Variants in TMEM170B observed in about 807,000 individuals in gnomAD.
The protein encoded by TMEM170B is transmembrane protein 170B.
In TMEM170B, 6 loss-of-function variants were observed where a neutral mutation model predicts 13.0. That is an observed-to-expected ratio of 0.46 (90% CI 0.25 to 0.91). The LOEUF is 0.91. TMEM170B is among the 40% of genes least tolerant of loss of function. The probability of loss-of-function intolerance (pLI) is 0.17; values close to 1 mark genes in which losing one functional copy is unlikely to be tolerated. For missense variants in TMEM170B, 138 were observed against 165.2 expected (o/e 0.84, Z 0.90); for synonymous variants, 61 against 64.9 (o/e 0.94, Z 0.29).
In TMEM170B at chr6:11,558,260, G is replaced by A. The variant is rs138885073; in HGVS notation, c.98-7406G>A. On this transcript the variant is annotated intron_variant, in intron 1 of 2. Coordinates refer to ENST00000379426, the MANE Select transcript of TMEM170B (RefSeq NM_001100829.3). The stretch of plus-strand genomic sequence containing the variant: ...ATTCTTCATTCTATATGGTCTATGA[G>A]CCTCTCCCCTTTCTTCACCAAAAAT... Among the ~76,000 whole-genome samples the A allele has an allele frequency of 1.5e-3, 223 of 152,100 alleles. 2 individuals carry two copies. Among genetic ancestry groups the A allele is most frequent in the African/African-American group, 5.3e-3 (219 of 41,468 alleles).
Position 11,580,453 on chromosome 6 carries a change from A to G in TMEM170B, c.*4892A>G, listed in dbSNP as rs1759940636. 3 of 152,214 alleles carry G rather than the reference A, an allele frequency of 2.0e-5. No homozygotes were observed. Among genetic ancestry groups the G allele is most frequent in the Non-Finnish European group, 2.9e-5 (2 of 68,036 alleles). 9.4% of individuals were successfully genotyped at this position (152,214 alleles called of 1,614,324 possible). A position where few individuals can be genotyped will look rare whatever the true frequency, so the allele number is the denominator to read the frequency against. On this transcript the variant is annotated 3_prime_UTR_variant, in exon 3 of 3. Coordinates refer to ENST00000379426, the MANE Select transcript of TMEM170B (RefSeq NM_001100829.3). Reference sequence around the variant, plus strand: ...ACTACAGATTTTTCTCTCAGTCTCAATCAGAATCTCTGCAGTCATTATTTG... The same window carrying G: ...ACTACAGATTTTTCTCTCAGTCTCAGTCAGAATCTCTGCAGTCATTATTTG...
intron 2 of TMEM170B, among the ~76,000 whole-genome samples, chr6:11,571,114 TTC>T (rs1759794880): frequency 6.6e-6 from 1 of 152,150 alleles, no homozygotes; most frequent in African/African-American, 2.4e-5. Context: ...CTATTTTTTT[TTC>T]TGTTTTTCCA....
intron 1 of TMEM170B, among the ~76,000 whole-genome samples, chr6:11,547,056 TAACTGTAATTGCAGAAAGTGA>T (rs1248420562): frequency 6.6e-6 from 1 of 152,240 alleles, no homozygotes; most frequent in Non-Finnish European, 1.5e-5. Context: ...CGATAGTGGG[TAACTGTAATTGCAGAAAGTGA>T]AACTGCAGAT....
At chr6:11,557,622 T>C (rs1561909906) in intron 1 of TMEM170B, among the ~76,000 whole-genome samples, 1 of 152,246 alleles carries the variant, frequency 6.6e-6, no homozygotes, top group Non-Finnish European at 1.5e-5. Context: ...TTCCTACTTT[T>C]AGTTTCTTTA....
chr6:11,538,468 C>T (rs936449661), intron 1 of TMEM170B, 94 bp downstream of exon 1: 14 of 935,900 alleles, frequency 1.5e-5, no homozygotes, highest in Admixed American at 3.4e-5. Flanking sequence ...CGCCGCCCCA[C>T]CCCCGTGCGC....
intron 1 of TMEM170B, among the ~76,000 whole-genome samples, chr6:11,558,273 C>T (rs1759616110): frequency 1.3e-5 from 2 of 152,190 alleles, no homozygotes; most frequent in Admixed American, 1.3e-4. Context: ...TCTCCCCTTT[C>T]TTCACCAAAA....
chr6:11,563,537 C>T (rs558176331), intron 1 of TMEM170B, among the ~76,000 whole-genome samples: 29 of 152,320 alleles, frequency 1.9e-4, no homozygotes, highest in South Asian at 1.7e-3. Flanking sequence ...AGAAAGTCTG[C>T]GCTTCCCATA....
In TMEM170B at chr6:11,576,480, A is replaced by T. The variant is rs867690093; in HGVS notation, c.*919A>T. ...TATCTCATGGACAAAACATCTTTAT[A>T]ACTAGTATCTCAGTGGGATTGTATT... On this transcript the variant is annotated 3_prime_UTR_variant, in exon 3 of 3. Transcript: ENST00000379426. The T allele has an allele frequency of 1.3e-5, 2 of 152,316 alleles. No individual in the cohort carries two copies. The highest frequency in any genetic ancestry group is 4.1e-4 in the South Asian group (2 of 4,828). 9.4% of individuals were successfully genotyped at this position (152,316 alleles called of 1,614,324 possible).
chr6:11,575,718 C>A lies in TMEM170B; in HGVS notation c.*157C>A. On this transcript the variant is annotated 3_prime_UTR_variant, in exon 3 of 3. Transcript: ENST00000379426. The surrounding 1 kb of genome is among the most constrained non-coding windows in gnomAD (Gnocchi z 4.1). ...TTGAGCTGTGTGGAAGGATTGCCCTCTGGTGTTCAAGTGATTGCACTACCG... is the reference window on the plus strand; with the variant it reads ...TTGAGCTGTGTGGAAGGATTGCCCTATGGTGTTCAAGTGATTGCACTACCG... The A allele has an allele frequency of 2.3e-6, 2 of 852,882 alleles. No homozygotes were observed. The highest frequency in any genetic ancestry group is 3.6e-6 in the Non-Finnish European group (2 of 562,724). 52.8% of individuals were successfully genotyped at this position (852,882 alleles called of 1,614,324 possible). A position where few individuals can be genotyped will look rare whatever the true frequency, so the allele number is the denominator to read the frequency against.
At position 11,580,826 on chromosome 6, in the gene TMEM170B, G is replaced by A. The variant is rs747082306; in HGVS notation, c.*5265G>A. On this transcript the variant is annotated 3_prime_UTR_variant, in exon 3 of 3. Transcript: ENST00000379426. Reference sequence around the variant, plus strand: ...TAGGACTAGAAACTATACTGGATGAGTATGTATACTGCATGTTTACACATG... The same window carrying A: ...TAGGACTAGAAACTATACTGGATGAATATGTATACTGCATGTTTACACATG... 3.9e-5 allele frequency: 6 copies of A among 152,192 alleles called. No individual in the cohort carries two copies. The allele number at this position is 152,192 out of a possible 1,614,324, so 9.4% of individuals were successfully genotyped here.
At chr6:11,560,156 A>AT (rs1042937592) in intron 1 of TMEM170B, among the ~76,000 whole-genome samples, 1 of 151,052 alleles carries the variant, frequency 6.6e-6, no homozygotes, top group African/African-American at 2.4e-5. Context: ...CTTTATTTTT[A>AT]TTTTTTTATT....
intron 1 of TMEM170B, among the ~76,000 whole-genome samples, chr6:11,555,340 G>A (rs1024785360): frequency 2.0e-5 from 3 of 151,794 alleles, no homozygotes; most frequent in Non-Finnish European, 2.9e-5. Context: ...TGGTTTTCAC[G>A]CATTTCACTA....
Position 11,565,757 on chromosome 6 carries a change from G to T in TMEM170B, c.189G>T (p.Arg63Ser). Residue 63 changes from arginine to serine, a missense_variant, in exon 2 of 3, where the codon AGG becomes AGT. Coordinates refer to ENST00000379426, the MANE Select transcript of TMEM170B (RefSeq NM_001100829.3). ...AGVLMFVMLQ[R>S]HRQGRVISVI... ...TGTTGATGTTTGTGATGCTGCAGAG[G>T]CATAGGCAGGGAAGAGTCATCTCTG... 1 of 1,614,158 alleles carries T rather than the reference G, an allele frequency of 6.2e-7. No homozygotes were observed. Among genetic ancestry groups the T allele is most frequent in the Non-Finnish European group, 8.5e-7 (1 of 1,180,016 alleles).
chr6:11,555,341 C>T (rs1759574021), intron 1 of TMEM170B, among the ~76,000 whole-genome samples: 1 of 152,012 alleles, frequency 6.6e-6, no homozygotes, highest in Admixed American at 6.6e-5. Context: ...GGTTTTCACG[C>T]ATTTCACTAT....
intron 1 of TMEM170B, among the ~76,000 whole-genome samples, chr6:11,557,163 A>G (rs2113771740): frequency 6.6e-6 from 1 of 152,334 alleles, no homozygotes; most frequent in Middle Eastern, 3.4e-3. Flanking sequence ...TTTACCAGGT[A>G]ACACATGTCC....
At chr6:11,560,143 CT>C (rs1759643157) in intron 1 of TMEM170B, among the ~76,000 whole-genome samples, 1 of 151,588 alleles carries the variant, frequency 6.6e-6, no homozygotes, top group Admixed American at 6.6e-5. Flanking sequence ...AGAGCATCTT[CT>C]CCTTTATTTT....
intron 1 of TMEM170B, among the ~76,000 whole-genome samples, chr6:11,538,598 A>G (rs955882493): frequency 1.4e-5 from 2 of 146,066 alleles, no homozygotes; most frequent in Non-Finnish European, 3.0e-5. Flanking sequence ...AGCATCAGCG[A>G]CCCCCGCTCC....
Position 11,565,813 on chromosome 6 carries a change from C to T in TMEM170B, c.245C>T (p.Ser82Phe), listed in dbSNP as rs776883072. The T allele has an allele frequency of 6.2e-7, 1 of 1,614,028 alleles. No homozygotes were observed. Among genetic ancestry groups the T allele is most frequent in the African/African-American group, 1.3e-5 (1 of 74,922 alleles). ...GCAGTCAGCATTGGATTTCTGGCTT[C>T]TGTAACTGGAGCGATGATTACCAGT... ...VIAVSIGFLASVTGAMITSAA... is the reference protein window; with the variant it reads ...VIAVSIGFLAFVTGAMITSAA... Residue 82 changes from serine (S) to phenylalanine (F), a missense_variant, in exon 2 of 3, where the codon TCT becomes TTT. By Grantham distance (155) the Ser-to-Phe change is radical (BLOSUM62 -2). Coordinates refer to ENST00000379426, the MANE Select transcript of TMEM170B (RefSeq NM_001100829.3).
chr6:11,575,687 A>C lies in TMEM170B; in HGVS notation c.*126A>C. The stretch of plus-strand genomic sequence containing the variant: ...GGACTGAGCAGGTCAAAGCATAAGG[A>C]AGACCTTGAGCTGTGTGGAAGGATT... On this transcript the variant is annotated 3_prime_UTR_variant, in exon 3 of 3. Transcript: ENST00000379426. The surrounding 1 kb of genome is among the most constrained non-coding windows in gnomAD (Gnocchi z 4.1). 1 of 1,197,494 alleles carries C rather than the reference A, an allele frequency of 8.4e-7. No homozygotes were observed. The highest frequency in any genetic ancestry group is 2.4e-5 in the East Asian group (1 of 41,510). The allele number at this position is 1,197,494 out of a possible 1,614,324, so 74.2% of individuals were successfully genotyped here.
Sources: allele counts gnomAD v4.1 joint callset (sites outside exome capture counted in the v4.1 genomes callset), GRCh38; gene constraint gnomAD v4.1.1; non-coding constraint Gnocchi (gnomAD v3.1); transcripts MANE v1.5; gene names NCBI Gene and HGNC (gene_info 2026-07-23, HGNC 2026-07-21).